Variants in CHD1L observed in about 807,000 individuals in gnomAD.
The protein encoded by CHD1L is chromodomain helicase DNA binding protein 1 like.
Under a neutral mutation model 115.9 loss-of-function variants are expected in CHD1L, and 118 were observed. The ratio of observed to expected loss-of-function variants is 1.02; its 90% confidence interval spans 0.88 to 1.19. CHD1L has a LOEUF of 1.19. Ranked by LOEUF, CHD1L falls within the 50% of genes most tolerant of loss-of-function variation. CHD1L has a pLI of 0.00. For synonymous variants in CHD1L, 411 were observed against 387.1 expected, an observed-to-expected ratio of 1.06 and a Z score of -0.72; for missense variants, 1,179 against 1,065.3, an observed-to-expected ratio of 1.11 and a Z score of -1.49.
At chr1:147,226,837 A>AT in the CHD1L span, among the ~76,000 whole-genome samples, 1 of 9,288 alleles carries the variant, frequency 1.1e-4, no homozygotes, top group African/African-American at 4.8e-4. Context: ...GAACTGTCGA[A>AT]CTTTTTTTTT....
intron 20 of CHD1L, among the ~76,000 whole-genome samples, 171 bp from the exon 21 acceptor site, chr1:147,293,437 G>T (rs1255412497): frequency 6.6e-6 from 1 of 152,170 alleles, no homozygotes; most frequent in African/African-American, 2.4e-5. Context: ...AATTATGACG[G>T]GATATGAAGT....
chr1:147,186,254 T>C, the CHD1L span: 13 of 920,094 alleles, frequency 1.4e-5, no homozygotes, highest in Non-Finnish European at 1.7e-5. Context: ...ACTGTGAGCC[T>C]AGAAAGTTGA....
chr1:147,221,982 C>G, the CHD1L span, among the ~76,000 whole-genome samples: 1 of 152,170 alleles, frequency 6.6e-6, no homozygotes, highest in African/African-American at 2.4e-5. Flanking sequence ...AATTTTCTAC[C>G]ATTGATGAAT....
At chr1:147,291,003 T>C (rs891238512) in intron 19 of CHD1L, among the ~76,000 whole-genome samples, 1 of 152,218 alleles carries the variant, frequency 6.6e-6, no homozygotes, top group Non-Finnish European at 1.5e-5. Flanking sequence ...CTAACCGCTT[T>C]CACATCAGCT....
the CHD1L span, among the ~76,000 whole-genome samples, chr1:147,191,529 T>C: frequency 7.0e-6 from 1 of 143,818 alleles, no homozygotes; most frequent in East Asian, 2.0e-4. Context: ...TTTGATGGGG[T>C]TGTTTGTTTT....
chr1:147,177,692 CAAATT>C, the CHD1L span, among the ~76,000 whole-genome samples: 4 of 152,126 alleles, frequency 2.6e-5, no homozygotes, highest in Non-Finnish European at 4.4e-5. Context: ...CAGACAATCT[CAAATT>C]AAGTACAAAA....
chr1:147,228,934 A>C, the CHD1L span, among the ~76,000 whole-genome samples: 1 of 152,088 alleles, frequency 6.6e-6, no homozygotes. Flanking sequence ...AGTAGATTGC[A>C]AAAATTTTCT....
At chr1:147,204,569 C>A in the CHD1L span, 48,953 of 1,588,262 alleles carry the variant, frequency 0.031, 1,140 homozygotes, top group South Asian at 0.089. Context: ...ACTGACAGGC[C>A]AATCCTCAGA....
At chr1:147,188,591 C>G in the CHD1L span, among the ~76,000 whole-genome samples, 3 of 150,398 alleles carry the variant, frequency 2.0e-5, no homozygotes, top group Non-Finnish European at 4.4e-5. Flanking sequence ...TCACTAGCTC[C>G]TGCCTTGATT....
intron 19 of CHD1L, among the ~76,000 whole-genome samples, chr1:147,289,981 A>G (rs978975515): frequency 1.3e-5 from 2 of 152,278 alleles, no homozygotes; most frequent in African/African-American, 4.8e-5. Context: ...TTTGATCAAA[A>G]GGATGGCATA....
intron 15 of CHD1L, among the ~76,000 whole-genome samples, chr1:147,281,486 G>T (rs1465817966): frequency 6.6e-6 from 1 of 152,166 alleles, no homozygotes; most frequent in Non-Finnish European, 1.5e-5. Context: ...GATCTGTATA[G>T]TTTTTGTGGG....
At chr1:147,266,842 A>G (rs1441975839) in intron 8 of CHD1L, among the ~76,000 whole-genome samples, 1 of 152,192 alleles carries the variant, frequency 6.6e-6, no homozygotes, top group Non-Finnish European at 1.5e-5. Context: ...TGAATAGAAT[A>G]TTGTTATAAT....
the CHD1L span, among the ~76,000 whole-genome samples, chr1:147,232,113 T>C: frequency 1.3e-5 from 2 of 152,194 alleles, no homozygotes; most frequent in Non-Finnish European, 2.9e-5. Flanking sequence ...CTTTGTAAGA[T>C]AGAATAGGCT....
the CHD1L span, among the ~76,000 whole-genome samples, chr1:147,199,519 T>C: frequency 6.6e-6 from 1 of 152,220 alleles, no homozygotes; most frequent in Admixed American, 6.5e-5. Flanking sequence ...ATAACCATAA[T>C]GCAGACTCTT....
intron 14 of CHD1L, among the ~76,000 whole-genome samples, chr1:147,277,675 T>A (rs782815128): frequency 1.3e-5 from 2 of 152,188 alleles, no homozygotes; most frequent in Admixed American, 1.3e-4. Flanking sequence ...CATTTTGTTT[T>A]CACACTAAGA....
At chr1:147,206,066 A>G in the CHD1L span, among the ~76,000 whole-genome samples, 3 of 150,884 alleles carry the variant, frequency 2.0e-5, no homozygotes, top group South Asian at 4.2e-4. Context: ...ATACAAATTT[A>G]CAAGAAAAAA....
the CHD1L span, chr1:147,204,490 C>T: frequency 8.5e-6 from 13 of 1,533,266 alleles, no homozygotes; most frequent in East Asian, 2.2e-5. Context: ...TGCAGAACAA[C>T]GTACCAAATT....
At chr1:147,195,921 G>A in the CHD1L span, among the ~76,000 whole-genome samples, 7 of 152,036 alleles carry the variant, frequency 4.6e-5, no homozygotes, top group Admixed American at 4.6e-4. Context: ...TTATTTGACT[G>A]CTCTGGCTGC....
In CHD1L at chr1:147,290,220, A is replaced by G. The variant is rs587634696; in HGVS notation, c.2321-1262A>G. Among the ~76,000 whole-genome samples the G allele has an allele frequency of 1.1e-4, 17 of 151,322 alleles. No homozygotes were observed. In the South Asian group the frequency reaches 1.5e-3, roughly 13 times the overall value. ...GCCTCAGCCTCCCAAGTAGCTTTGT[A>G]CCACAGGCGCACACCACCATGCCCG... On this transcript the variant is annotated intron_variant, in intron 19 of 22. Transcript: ENST00000369258.
Sources: gnomAD v4.1 joint callset for allele counts (sites outside exome capture counted in the v4.1 genomes callset) on GRCh38, gnomAD v4.1.1 for gene constraint, MANE v1.5 for transcripts, NCBI Gene and HGNC (gene_info 2026-07-23, HGNC 2026-07-21) for gene names.